ASTE1: variants seen among roughly 807,000 people sequenced by gnomAD.
ASTE1 encodes the protein asteroid structure-specific endonuclease 1.
Under a neutral mutation model 45.8 loss-of-function variants are expected in ASTE1, and 49 were observed. The ratio of observed to expected loss-of-function variants is 1.07; its 90% CI spans 0.85 to 1.36. The LOEUF (loss-of-function observed/expected upper bound fraction) is 1.36, where lower values mean the gene tolerates loss of function less well. Ranked by LOEUF, ASTE1 falls within the 40% of genes most tolerant of loss-of-function variation. ASTE1 has a pLI of 0.00. For synonymous variants in ASTE1, 296 were observed against 303.9 expected (o/e 0.97, Z 0.27); for missense variants, 709 against 804.0 (o/e 0.88, Z 1.43).
In ASTE1 at chr3:131,024,968, G is replaced by A. The variant is rs35558913; in HGVS notation, c.339C>T (p.Tyr113=). 329,621 of 1,606,638 alleles carry A rather than the reference G, an allele frequency of 0.21. 34,937 individuals carry two copies. The highest frequency in any genetic ancestry group is 0.22 in the Non-Finnish European group (258,311 of 1,175,822). The change falls in exon 3 of 6, where the codon TAC becomes TAT. Residue 113 remains tyrosine, a synonymous_variant. Coordinates refer to ENST00000264992, the MANE Select transcript of ASTE1 (RefSeq NM_014065.4). ...CTTCCCGGATGAGTAAGGGACATAC[G>A]TACCCACTCCCACCAACAGAAAGGG... ...AHSLSVGGSG[Y]VCPLLIREVF...
chr3:131,025,332 C>A lies in ASTE1; in HGVS notation c.-25-1G>T. 2.5e-6 allele frequency: 4 copies of A among 1,582,410 alleles called. No individual in the cohort carries two copies. In the South Asian group the frequency reaches 4.6e-5, roughly 18 times the overall value. Reference sequence around the variant, plus strand: ...GATGACAGTCTAAAGAATTAATCGCCTGTTTAAAACAACAGAAAACATTTT... The same window carrying A: ...GATGACAGTCTAAAGAATTAATCGCATGTTTAAAACAACAGAAAACATTTT... On this transcript the variant is annotated splice_acceptor_variant, in intron 2 of 5. Coordinates refer to ENST00000264992, the MANE Select transcript of ASTE1 (RefSeq NM_014065.4). LOFTEE classifies it low-confidence loss of function (5UTR_SPLICE).
chr3:131,019,690 A>G (rs1020346498), intron 3 of ASTE1, among the ~76,000 whole-genome samples: 2 of 152,214 alleles, frequency 1.3e-5, no homozygotes, highest in Admixed American at 6.5e-5. Context: ...GCTTTCTGGA[A>G]AGTTGAGATG....
chr3:131,025,553 T>C lies in ASTE1; in HGVS notation c.-105A>G. On this transcript the variant is annotated 5_prime_UTR_variant, in exon 2 of 6. An upstream start codon of the reference 5' UTR is lost. Transcript: ENST00000264992. ...ACAAGGCACAAATTCAATGGTTTCA[T>C]GGGTTGTAATCTTTGGATGGTGACA... 1 of 561,250 alleles carries C rather than the reference T, an allele frequency of 1.8e-6. No individual in the cohort carries two copies. The highest frequency in any genetic ancestry group is 2.9e-6 in the Non-Finnish European group (1 of 348,304). The allele number at this position is 561,250 out of a possible 1,614,324, so 34.8% of individuals were successfully genotyped here.
chr3:131,025,753 C>A (rs961337352), intron 1 of ASTE1, among the ~76,000 whole-genome samples, 159 bp from the exon 2 acceptor site: 2 of 152,054 alleles, frequency 1.3e-5, no homozygotes, highest in Admixed American at 6.5e-5. Flanking sequence ...ATATCATATT[C>A]ATCTCATAAT....
In ASTE1 at chr3:131,024,145, C is replaced by T. The variant is rs369625651; in HGVS notation, c.1162G>A (p.Asp388Asn). Residue 388 changes from aspartate to asparagine, a missense_variant, in exon 3 of 6, where the codon GAC becomes AAC. By Grantham distance (23) the Asp-to-Asn change is conservative. Transcript: ENST00000264992. Reference sequence around the variant, plus strand: ...GGCAATGCATTCCAGGATGTCTTGTCCAGATGTGGTGAGGCATTTAAAAGA... The same window carrying T: ...GGCAATGCATTCCAGGATGTCTTGTTCAGATGTGGTGAGGCATTTAAAAGA... ...GLLLNASPHL[D>N]KTSWNALPPQ... The T allele has an allele frequency of 5.6e-6, 9 of 1,614,088 alleles. No homozygotes were observed. In the African/African-American group the frequency reaches 9.3e-5, roughly 17 times the overall value.
chr3:131,025,470 T>G lies in ASTE1; in HGVS notation c.-26+4A>C, dbSNP rs2063827171. On this transcript the variant is annotated splice_donor_region_variant and intron_variant, in intron 2 of 5. Coordinates refer to ENST00000264992, the MANE Select transcript of ASTE1 (RefSeq NM_014065.4). ...ACATAGATATCAACATCATAAATTC[T>G]TACCTAGATCCTCAAGCAATGTTAG... The G allele has an allele frequency of 8.6e-7, 1 of 1,163,366 alleles. No homozygotes were observed. Among genetic ancestry groups the G allele is most frequent in the Non-Finnish European group, 1.1e-6 (1 of 870,558 alleles). 72.1% of individuals were successfully genotyped at this position (1,163,366 alleles called of 1,614,324 possible). A position where few individuals can be genotyped will look rare whatever the true frequency, so the allele number is the denominator to read the frequency against.
At chr3:131,014,524 A>C (rs1287791341) in intron 5 of ASTE1, 137 bp from the exon 6 acceptor site, 13 of 852,380 alleles carry the variant, frequency 1.5e-5, no homozygotes, top group South Asian at 6.3e-5. Flanking sequence ...GAAATTACTT[A>C]AGAATAATCT....
Position 131,024,629 on chromosome 3 carries a change from A to G in ASTE1, c.678T>C (p.His226=), listed in dbSNP as rs771289670. The change falls in exon 3 of 6, where the codon CAT becomes CAC. Residue 226 remains histidine (H), a synonymous_variant. Coordinates refer to ENST00000264992, the MANE Select transcript of ASTE1 (RefSeq NM_014065.4). The part of the protein sequence containing the change: ...PLFAVLCGND[H]VNLPIMETFL... ...ATGTCTCCATGATGGGTAGATTAAC[A>G]TGGTCATTTCCACATAGCACCGCAA... 7.9e-5 allele frequency: 126 copies of G among 1,603,324 alleles called. No homozygotes were observed. The highest frequency in any genetic ancestry group is 1.0e-4 in the Non-Finnish European group (118 of 1,174,342).
rs369290731 is a variant in ASTE1, at chr3:131,024,915, C to T, written c.392G>A (p.Arg131Gln). The change falls in exon 3 of 6, where the codon CGG becomes CAG. Residue 131 changes from arginine to glutamine, a missense_variant. Transcript: ENST00000264992. ...TGAAAAGCACTGGACAAAACACACC[C>T]GCAGCTTGATCAAAACCTGTATGAA... Reference protein sequence around the residue: ...EVFIQVLIKLRVCFVQCFSEA... With the variant: ...EVFIQVLIKLQVCFVQCFSEA... 9.3e-6 allele frequency: 15 copies of T among 1,613,932 alleles called. No homozygotes were observed. The East Asian group carries it at 1.1e-4, about 12-fold the overall frequency.
At chr3:131,017,990 AAAAAAAG>A (rs1442023910) in intron 4 of ASTE1, among the ~76,000 whole-genome samples, 71 of 150,652 alleles carry the variant, frequency 4.7e-4, no homozygotes, top group Middle Eastern at 3.4e-3. Flanking sequence ...AAAAAAAAAA[AAAAAAAG>A]GACAAATTAC....
chr3:131,022,396 A>G (rs1362549392), intron 3 of ASTE1, among the ~76,000 whole-genome samples: 2 of 152,132 alleles, frequency 1.3e-5, no homozygotes, highest in East Asian at 1.9e-4. Context: ...AGGGAGCACA[A>G]TCATAGCTCA....
Position 131,014,021 on chromosome 3 carries a change from T to C in ASTE1, c.*36A>G, listed in dbSNP as rs1465742041. On this transcript the variant is annotated 3_prime_UTR_variant, in exon 6 of 6. Transcript: ENST00000264992. ...TAACGGAAGAATTTTAAGTAAGGAT[T>C]ATATTAAATACATCTAGTTTGATGC... 1 of 1,439,812 alleles carries C rather than the reference T, an allele frequency of 6.9e-7. No homozygotes were observed. Among genetic ancestry groups the C allele is most frequent in the Non-Finnish European group, 9.4e-7 (1 of 1,067,562 alleles). 89.2% of individuals were successfully genotyped at this position (1,439,812 alleles called of 1,614,324 possible).
intron 3 of ASTE1, among the ~76,000 whole-genome samples, chr3:131,023,387 G>A (rs2063767966): frequency 6.6e-6 from 1 of 151,852 alleles, no homozygotes; most frequent in South Asian, 2.1e-4. Context: ...GACAACACTG[G>A]GATCCATGAG....
Position 131,016,061 on chromosome 3 carries a change from C to T in ASTE1, c.1709+83G>A, listed in dbSNP as rs137959597. The T allele has an allele frequency of 1.5e-3, 2,097 of 1,408,652 alleles. 31 individuals carry two copies. In the African/African-American group the frequency reaches 0.028, roughly 19 times the overall value. The allele number at this position is 1,408,652 out of a possible 1,614,324, so 87.3% of individuals were successfully genotyped here. A position where few individuals can be genotyped will look rare whatever the true frequency, so the allele number is the denominator to read the frequency against. On this transcript the variant is annotated intron_variant, in intron 5 of 5. Coordinates refer to ENST00000264992, the MANE Select transcript of ASTE1 (RefSeq NM_014065.4). Reference sequence around the variant, plus strand: ...TGTTTTGGTTTTTTTTTTTAAGTAACTTTGTTGCTTTAAATATAAGTGAAA... The same window carrying T: ...TGTTTTGGTTTTTTTTTTTAAGTAATTTTGTTGCTTTAAATATAAGTGAAA...
At chr3:131,017,166 A>G (rs1196747706) in intron 4 of ASTE1, 1 of 654,706 alleles carries the variant, frequency 1.5e-6, no homozygotes, top group African/African-American at 1.9e-5. Context: ...ATCAGAGGAA[A>G]TACTCTAAAC....
rs757141881 is a variant in ASTE1 at position 131,016,160 on chromosome 3, C to T, written c.1693G>A (p.Glu565Lys). The stretch of plus-strand genomic sequence containing the variant: ...GGTGCTTACCGAGTTAGGTCTGGCT[C>T]TGGGAGAGGAGTGGACAGCAGCTGG... ...LNQLLSTPLP[E>K]PDLTRLYSGS... The change falls in exon 5 of 6, where the codon GAG (glutamate) becomes AAG (lysine). Residue 565 changes from glutamate (E) to lysine (K), a missense_variant. Physicochemically the swap from Glu to Lys is moderately conservative, Grantham distance 56. Transcript: ENST00000264992. 26 of 1,613,782 alleles carry T rather than the reference C, an allele frequency of 1.6e-5. No homozygotes were observed. The South Asian group carries it at 2.9e-4, about 18-fold the overall frequency.
rs1577112501 is a variant in ASTE1 at position 131,024,375 on chromosome 3, T to C, written c.932A>G (p.Gln311Arg). Residue 311 changes from glutamine (Q) to arginine (R), a missense_variant, in exon 3 of 6, where the codon CAG becomes CGG. Coordinates refer to ENST00000264992, the MANE Select transcript of ASTE1 (RefSeq NM_014065.4). ...QSQVKLQDFF[Q>R]CGTYVCPDAL... ...ATCTGGACAGACATAAGTACCACAC[T>C]GGAAGAAGTCCTGTAGCTTCACCTG... 1 of 1,614,260 alleles carries C rather than the reference T, an allele frequency of 6.2e-7. No individual in the cohort carries two copies. The highest frequency in any genetic ancestry group is 8.5e-7 in the Non-Finnish European group (1 of 1,180,040).
At chr3:131,023,900 C>A in intron 3 of ASTE1, 105 bp downstream of exon 3, 1 of 1,208,702 alleles carries the variant, frequency 8.3e-7, no homozygotes, top group Non-Finnish European at 1.1e-6. Flanking sequence ...CAAGATAGCA[C>A]TCAACCTCAT....
In ASTE1 at chr3:131,025,149, T is replaced by C; in HGVS notation, c.158A>G (p.Tyr53Cys). The C allele has an allele frequency of 6.2e-7, 1 of 1,614,196 alleles. No homozygotes were observed. Among genetic ancestry groups the C allele is most frequent in the Non-Finnish European group, 8.5e-7 (1 of 1,180,032 alleles). ...SNLDLRYGGD[Y>C]DSFADVVQKF... ...TTGTACAACATCTGCAAAAGAATCA[T>C]AGTCCCCTCCATACCGGAGATCCAA... is the stretch of plus-strand genomic sequence containing the variant. Residue 53 changes from tyrosine to cysteine, a missense_variant, in exon 3 of 6, where the codon TAT (tyrosine) becomes TGT (cysteine). Physicochemically the swap from Tyr to Cys is radical, Grantham distance 194. Transcript: ENST00000264992.
Sources: allele counts gnomAD v4.1 joint callset (sites outside exome capture counted in the v4.1 genomes callset), GRCh38; gene constraint gnomAD v4.1.1; transcripts MANE v1.5; gene names NCBI Gene and HGNC (gene_info 2026-07-23, HGNC 2026-07-21).